VPS13B: variants seen among roughly 807,000 people sequenced by gnomAD.
VPS13B encodes the protein vacuolar protein sorting 13 homolog B.
Under a neutral mutation model 426.4 loss-of-function variants are expected in VPS13B, and 285 were observed. The ratio of observed to expected loss-of-function variants is 0.67; its 90% CI spans 0.61 to 0.74. The LOEUF (loss-of-function observed/expected upper bound fraction) is 0.74, where lower values mean the gene tolerates loss of function less well. Among genes scored for constraint, VPS13B ranks in the 30% least tolerant of loss-of-function variants. VPS13B has a pLI of 0.00. For synonymous variants in VPS13B, 1,676 were observed against 1,676.4 expected, an observed-to-expected ratio of 1.00 and a Z score of 0.01; for missense variants, 4,537 against 4,782.6, an observed-to-expected ratio of 0.95 and a Z score of 1.51.
chr8:99,592,195 T>G (rs1210776929), intron 33 of VPS13B, among the ~76,000 whole-genome samples: 1 of 152,076 alleles, frequency 6.6e-6, no homozygotes, highest in Non-Finnish European at 1.5e-5. Flanking sequence ...CTACACTGTT[T>G]ATTCTAGTTA....
At position 99,170,559 on chromosome 8, in the gene VPS13B, C is replaced by T. The variant is rs537293225; in HGVS notation, c.2333+396C>T. 2.6e-5 allele frequency among the ~76,000 whole-genome samples: 4 copies of T among 151,722 alleles called. No homozygotes were observed. The East Asian group carries it at 7.7e-4, about 29-fold the overall frequency. ...AATAATAATTTCGTATATATTCATA[C>T]CCACTGACAAAAGTATACACATTAT... On this transcript the variant is annotated intron_variant, in intron 16 of 61. Transcript: ENST00000357162.
intron 21 of VPS13B, among the ~76,000 whole-genome samples, chr8:99,402,343 G>A (rs1815082418): frequency 6.6e-6 from 1 of 152,128 alleles, no homozygotes; most frequent in Non-Finnish European, 1.5e-5. Flanking sequence ...ACACCTGAGG[G>A]TCCCTGGAAG....
At chr8:99,871,825 G>A in intron 61 of VPS13B, 128 bp downstream of exon 61, 1 of 1,533,780 alleles carries the variant, frequency 6.5e-7, no homozygotes, top group Admixed American at 1.7e-5. Flanking sequence ...AAGGAGAGCT[G>A]CTACCCAGAG....
intron 21 of VPS13B, among the ~76,000 whole-genome samples, chr8:99,396,922 A>G (rs1814755873): frequency 6.6e-6 from 1 of 152,208 alleles, no homozygotes; most frequent in African/African-American, 2.4e-5. Flanking sequence ...CAAAATGAAA[A>G]AAAAAATGAT....
At chr8:99,802,327 G>A (rs551496651) in intron 43 of VPS13B, among the ~76,000 whole-genome samples, 2 of 152,224 alleles carry the variant, frequency 1.3e-5, no homozygotes, top group African/African-American at 4.8e-5. Context: ...TCTTGGCAAA[G>A]TGCCAAGAGG....
intron 5 of VPS13B, among the ~76,000 whole-genome samples, chr8:99,103,745 C>G (rs531669969): frequency 6.6e-6 from 1 of 151,960 alleles, no homozygotes; most frequent in South Asian, 2.1e-4. Context: ...GTGATCCACC[C>G]GCCTCCGCCT....
intron 19 of VPS13B, chr8:99,340,691 G>T (rs935001679): frequency 2.3e-5 from 9 of 383,290 alleles, no homozygotes; most frequent in Non-Finnish European, 1.5e-5. Context: ...TGATGCACAG[G>T]TGTTTTGTTC....
chr8:99,613,751 A>G (rs1827942040), intron 33 of VPS13B: 1 of 152,338 alleles, frequency 6.6e-6, no homozygotes. Flanking sequence ...AACAATATAT[A>G]TACTCTGAAC....
At chr8:99,467,918 A>G in intron 24 of VPS13B, among the ~76,000 whole-genome samples, 1 of 152,180 alleles carries the variant, frequency 6.6e-6, no homozygotes, top group Non-Finnish European at 1.5e-5. Context: ...GAACTATTTT[A>G]CTGTAAGACT....
intron 2 of VPS13B, among the ~76,000 whole-genome samples, chr8:99,027,731 T>A (rs1012572326): frequency 5.9e-5 from 9 of 151,992 alleles, no homozygotes; most frequent in Non-Finnish European, 1.2e-4. Context: ...TTTTTTATTT[T>A]TTTATTTTTT....
intron 19 of VPS13B, among the ~76,000 whole-genome samples, chr8:99,299,799 A>G (rs1175859655): frequency 6.6e-6 from 1 of 152,074 alleles, no homozygotes. Context: ...AATTCCAGCT[A>G]CTTGGGAGGC....
At position 99,778,741 on chromosome 8, in the gene VPS13B, T is replaced by C. The variant is rs1350519355; in HGVS notation, c.7489T>C (p.Tyr2497His). Residue 2497 changes from tyrosine (Y) to histidine (H), a missense_variant, in exon 42 of 62, where the codon TAC (tyrosine) becomes CAC (histidine). Physicochemically the swap from Tyr to His is moderately conservative, Grantham distance 83. This residue lies in a region of VPS13B where 4,311 missense variants were observed against 4,474.3 expected (regional missense o/e 0.96). Coordinates refer to ENST00000357162, the MANE Select transcript of VPS13B (RefSeq NM_152564.5). ...SDRNMPSELE[Y>H]MIVSFREPHM... ...CAGAAATATGCCATCTGAACTAGAA[T>C]ACATGATTGTTTCCTTCAGAGAACC... 11 of 1,614,026 alleles carry C rather than the reference T, an allele frequency of 6.8e-6. No homozygotes were observed. Among genetic ancestry groups the C allele is most frequent in the Non-Finnish European group, 9.3e-6 (11 of 1,179,914 alleles).
intron 43 of VPS13B, among the ~76,000 whole-genome samples, chr8:99,809,024 A>T (rs758285932): frequency 2.6e-5 from 4 of 152,084 alleles, no homozygotes; most frequent in Non-Finnish European, 5.9e-5. Context: ...GAAGGAAAAA[A>T]CCGTCAGCCA....
chr8:99,490,926 T>C (rs1420479298), intron 25 of VPS13B, among the ~76,000 whole-genome samples: 3 of 152,200 alleles, frequency 2.0e-5, no homozygotes, highest in African/African-American at 7.2e-5. Flanking sequence ...TGATCTTAGT[T>C]ATTTCTTGTC....
intron 33 of VPS13B, among the ~76,000 whole-genome samples, chr8:99,611,257 TAGAC>T (rs1273974654): frequency 2.6e-5 from 4 of 152,050 alleles, no homozygotes; most frequent in Non-Finnish European, 2.9e-5. Context: ...GAAAATATAA[TAGAC>T]AGGAAATAAA....
At chr8:99,530,558 G>C (rs1822877428) in intron 30 of VPS13B, among the ~76,000 whole-genome samples, 1 of 150,428 alleles carries the variant, frequency 6.6e-6, no homozygotes, top group African/African-American at 2.5e-5. Context: ...AGGTTGCAGT[G>C]AGCCGAGATC....
At chr8:99,593,269 T>C (rs1826788471) in intron 33 of VPS13B, among the ~76,000 whole-genome samples, 1 of 151,762 alleles carries the variant, frequency 6.6e-6, no homozygotes, top group Non-Finnish European at 1.5e-5. Context: ...CAGATACTTC[T>C]CAAAATAAGA....
chr8:99,210,610 T>C (rs1464674455), intron 17 of VPS13B, among the ~76,000 whole-genome samples: 1 of 152,086 alleles, frequency 6.6e-6, no homozygotes, highest in Non-Finnish European at 1.5e-5. Flanking sequence ...AAAATATATA[T>C]ATATATATTT....
In VPS13B at chr8:99,850,572, CTTAATA is replaced by C. The variant is rs376829092; in HGVS notation, c.10061+1683_10061+1688del. On this transcript the variant is annotated intron_variant, in intron 55 of 61. Transcript: ENST00000357162. ...TTTATTTTATGATCAGAAAAAATAA[CTTAATA>C]TTAAAATATAAATACCACCAACTTT... Among the ~76,000 whole-genome samples, 688 of 152,150 alleles carry C rather than the reference CTTAATA, an allele frequency of 4.5e-3. 4 individuals are homozygous for C. The highest frequency in any genetic ancestry group is 6.0e-3 in the Non-Finnish European group (408 of 67,980).
Sources: gnomAD v4.1 joint callset for allele counts (sites outside exome capture counted in the v4.1 genomes callset) on GRCh38, gnomAD v4.1.1 for gene constraint, gnomAD v4.1.1 regional missense constraint, MANE v1.5 for transcripts, NCBI Gene and HGNC (gene_info 2026-07-23, HGNC 2026-07-21) for gene names.